Variants in GRIN2B observed in about 807,000 individuals in gnomAD.
GRIN2B encodes the protein glutamate receptor ionotropic, NMDA 2B.
A neutral mutation model predicts 114.5 loss-of-function variants in GRIN2B; 5 were observed. The observed-to-expected ratio is 0.04, with a 90% CI of 0.02 to 0.09. The LOEUF (loss-of-function observed/expected upper bound fraction) is 0.09, where lower values mean the gene tolerates loss of function less well. Among genes scored for constraint, GRIN2B ranks in the 10% least tolerant of loss-of-function variants. GRIN2B has a pLI of 1.00. For synonymous variants in GRIN2B, 787 were observed against 745.1 expected (o/e 1.06, Z -0.92); for missense variants, 1,108 against 1,943.5 (o/e 0.57, Z 8.08).
In GRIN2B at chr12:13,564,550, G is replaced by A. The variant is rs201445433; in HGVS notation, c.2688C>T (p.Ser896=). ...SPTATMNNTH[S]NILRLLRTAK... ...CCGTGCGCAGCAGGCGCAGGATGTT[G>A]GAGTGTGTGTTGTTCATGGTTGCGG... Residue 896 remains serine, a synonymous_variant, in exon 14 of 14, where the codon TCC becomes TCT. Coordinates refer to ENST00000609686, the MANE Select transcript of GRIN2B (RefSeq NM_000834.5). This position sits in a 1 kb window ranked among gnomAD's most constrained non-coding sequence, Gnocchi z 4.8. 1.2e-6 allele frequency: 2 copies of A among 1,614,142 alleles called. No homozygotes were observed. The highest frequency in any genetic ancestry group is 4.5e-5 in the East Asian group (2 of 44,854).
chr12:13,602,144 C>G (rs559812800), intron 10 of GRIN2B, among the ~76,000 whole-genome samples: 20 of 152,242 alleles, frequency 1.3e-4, no homozygotes, highest in East Asian at 7.7e-4. Context: ...TGTCCTCCCC[C>G]CTCTCATGTG....
rs554022905 is a variant in GRIN2B, at chr12:13,768,289, C to A, written c.412-14374G>T. Among the ~76,000 whole-genome samples the A allele has an allele frequency of 5.3e-5, 8 of 152,276 alleles. 1 individual carries two copies. The South Asian group carries it at 8.3e-4, about 16-fold the overall frequency. On this transcript the variant is annotated intron_variant, in intron 3 of 13. Coordinates refer to ENST00000609686, the MANE Select transcript of GRIN2B (RefSeq NM_000834.5). ...AGACCATCTTGCAGCTGCCCAGTGC[C>A]TGCAGTCTGGGCCTGGCTAGAAAAA... is the stretch of plus-strand genomic sequence containing the variant.
At chr12:13,621,517 CA>C (rs2136487413) in intron 5 of GRIN2B, among the ~76,000 whole-genome samples, 1 of 139,266 alleles carries the variant, frequency 7.2e-6, no homozygotes, top group South Asian at 2.3e-4. Context: ...CATCTGTCTA[CA>C]AAAAATTCAG....
chr12:13,970,902 A>G (rs755274563), intron 2 of GRIN2B, among the ~76,000 whole-genome samples: 2 of 152,184 alleles, frequency 1.3e-5, no homozygotes, highest in African/African-American at 2.4e-5. Flanking sequence ...AAAAACTGAA[A>G]TATTCTCCAT....
intron 10 of GRIN2B, among the ~76,000 whole-genome samples, chr12:13,587,288 C>CCAG (rs1369596757): frequency 2.5e-4 from 38 of 151,544 alleles, no homozygotes; most frequent in African/African-American, 9.2e-4. Flanking sequence ...GCATCTTCCT[C>CCAG]TCTGAGTCTA....
At chr12:13,939,415 T>C (rs1306140648) in intron 2 of GRIN2B, among the ~76,000 whole-genome samples, 1 of 152,002 alleles carries the variant, frequency 6.6e-6, no homozygotes, top group Non-Finnish European at 1.5e-5. Context: ...TAAAAGAGCA[T>C]GGCATGCCTC....
At chr12:13,684,123 C>G (rs886879524) in intron 4 of GRIN2B, among the ~76,000 whole-genome samples, 1 of 152,100 alleles carries the variant, frequency 6.6e-6, no homozygotes, top group Non-Finnish European at 1.5e-5. Flanking sequence ...ATTAGTTACC[C>G]CTGTGAGGTT....
At chr12:13,915,418 G>T (rs1490546718) in intron 2 of GRIN2B, among the ~76,000 whole-genome samples, 1 of 152,110 alleles carries the variant, frequency 6.6e-6, no homozygotes, top group Admixed American at 6.5e-5. Flanking sequence ...AAAACCATTT[G>T]CTGACCTCAC....
Position 13,862,422 on chromosome 12 carries a change from C to A in GRIN2B, c.411+3376G>T, listed in dbSNP as rs548971016. On this transcript the variant is annotated intron_variant, in intron 3 of 13. Transcript: ENST00000609686. The stretch of plus-strand genomic sequence containing the variant: ...CAACAAAAACTTAAGTTAAAACAGA[C>A]TGACAATTACCTGTCTCCGAGAAGG... 3.7e-3 allele frequency among the ~76,000 whole-genome samples: 564 copies of A among 152,276 alleles called. 5 individuals carry two copies. The highest frequency in any genetic ancestry group is 0.013 in the African/African-American group (539 of 41,562).
intron 4 of GRIN2B, among the ~76,000 whole-genome samples, chr12:13,680,870 G>T (rs1017535522): frequency 6.6e-6 from 1 of 152,104 alleles, no homozygotes; most frequent in African/African-American, 2.4e-5. Flanking sequence ...ATCTATCTTA[G>T]ATGATTAATC....
chr12:13,926,209 A>G (rs915124854), intron 2 of GRIN2B, among the ~76,000 whole-genome samples: 25 of 152,166 alleles, frequency 1.6e-4, no homozygotes, highest in Admixed American at 1.6e-3. Context: ...CAGGCCAGGG[A>G]ACTACTAGAA....
intron 4 of GRIN2B, 64 bp from the exon 5 acceptor site, chr12:13,675,923 C>A: frequency 1.1e-6 from 1 of 902,374 alleles, no homozygotes; most frequent in South Asian, 1.3e-5. Flanking sequence ...ACAAGGCAGT[C>A]AGGTATATAG....
chr12:13,944,248 C>A (rs532268723), intron 2 of GRIN2B, among the ~76,000 whole-genome samples: 2 of 152,286 alleles, frequency 1.3e-5, no homozygotes, highest in South Asian at 4.1e-4. Context: ...CTTCTTTAAC[C>A]ACATACTGTT....
In GRIN2B at chr12:13,539,545, G is replaced by C. The variant is rs567273250; in HGVS notation, c.*23238C>G. On this transcript the variant is annotated 3_prime_UTR_variant, in exon 14 of 14. Coordinates refer to ENST00000609686, the MANE Select transcript of GRIN2B (RefSeq NM_000834.5). ...CAGTAACAGGACTGGGACTGGGAGT[G>C]GGGTGGGAAACAATCAGCAAAACAA... is the stretch of plus-strand genomic sequence containing the variant. 6.6e-6 allele frequency: 1 copy of C among 152,230 alleles called. No homozygotes were observed. Among genetic ancestry groups the C allele is most frequent in the Non-Finnish European group, 1.5e-5 (1 of 68,002 alleles). 9.4% of individuals were successfully genotyped at this position (152,230 alleles called of 1,614,324 possible).
intron 13 of GRIN2B, among the ~76,000 whole-genome samples, chr12:13,565,228 A>G (rs558358383): frequency 1.2e-3 from 182 of 152,354 alleles, no homozygotes; most frequent in African/African-American, 4.1e-3. Flanking sequence ...TGAGCCAAGC[A>G]TGAACAAAAT....
intron 3 of GRIN2B, among the ~76,000 whole-genome samples, chr12:13,804,957 G>A (rs943701345): frequency 2.1e-4 from 32 of 152,068 alleles, no homozygotes; most frequent in African/African-American, 7.5e-4. Flanking sequence ...TGGATTTACT[G>A]GTCATTAAGT....
In GRIN2B at chr12:13,606,640, T is replaced by C. The variant is rs565911199; in HGVS notation, c.2010+1963A>G. Among the ~76,000 whole-genome samples the C allele has an allele frequency of 2.6e-5, 4 of 152,234 alleles. 1 individual carries two copies. In the South Asian group the frequency reaches 8.3e-4, roughly 32 times the overall value. The stretch of plus-strand genomic sequence containing the variant: ...CCTTACCCTAAGCCACAACCAAGTA[T>C]TGAGCTCTGAGGTTGTTCTTCACCC... On this transcript the variant is annotated intron_variant, in intron 10 of 13. Transcript: ENST00000609686.
intron 5 of GRIN2B, among the ~76,000 whole-genome samples, chr12:13,655,444 A>T (rs1343879289): frequency 6.6e-6 from 1 of 152,218 alleles, no homozygotes; most frequent in African/African-American, 2.4e-5. Flanking sequence ...GAATTGACTG[A>T]GAAGGAAAAT....
chr12:13,570,909 A>G (rs1360759004), intron 11 of GRIN2B, among the ~76,000 whole-genome samples: 2 of 152,204 alleles, frequency 1.3e-5, no homozygotes, highest in Non-Finnish European at 2.9e-5. Context: ...GGGAACACCA[A>G]AAAACCAAAT....
Sources: allele counts gnomAD v4.1 joint callset (sites outside exome capture counted in the v4.1 genomes callset), GRCh38; gene constraint gnomAD v4.1.1; non-coding constraint Gnocchi (gnomAD v3.1); transcripts MANE v1.5; gene names NCBI Gene and HGNC (gene_info 2026-07-23, HGNC 2026-07-21).